BACH2: variants seen among roughly 807,000 people sequenced by gnomAD.
BACH2 encodes the protein transcription regulator protein BACH2.
Under a neutral mutation model 61.8 loss-of-function variants are expected in BACH2, and 5 were observed. That is an observed-to-expected ratio of 0.08 (90% CI 0.04 to 0.17). BACH2 has a LOEUF of 0.17. Ranked by LOEUF, BACH2 falls within the 10% of genes least tolerant of loss-of-function variation. The probability of loss-of-function intolerance (pLI) is 1.00; values close to 1 mark genes in which losing one functional copy is unlikely to be tolerated. For missense variants in BACH2, 824 were observed against 1,091.1 expected (o/e 0.76, Z 3.45); for synonymous variants, 446 against 440.1 (o/e 1.01, Z -0.17).
chr6:90,099,585 G>A (rs1385288626), intron 4 of BACH2, among the ~76,000 whole-genome samples: 3 of 152,088 alleles, frequency 2.0e-5, no homozygotes, highest in East Asian at 3.9e-4. Context: ...TAAGAGAGCT[G>A]ATATGTTCAC....
intron 5 of BACH2, among the ~76,000 whole-genome samples, chr6:90,082,161 A>T (rs1286488956): frequency 6.6e-6 from 1 of 152,050 alleles, no homozygotes; most frequent in Non-Finnish European, 1.5e-5. Context: ...GGCTAACTCA[A>T]CCTTTCCCAT....
At chr6:90,254,669 C>T (rs903869477) in intron 2 of BACH2, among the ~76,000 whole-genome samples, 1 of 152,040 alleles carries the variant, frequency 6.6e-6, no homozygotes, top group Non-Finnish European at 1.5e-5. Flanking sequence ...TCCTCTTGGA[C>T]TTTTATCCTA....
chr6:90,268,991 A>C (rs1337022583), intron 2 of BACH2, among the ~76,000 whole-genome samples: 1 of 152,222 alleles, frequency 6.6e-6, no homozygotes, highest in Non-Finnish European at 1.5e-5. Context: ...GAAGACTAAG[A>C]GACCTGGAGA....
intron 4 of BACH2, among the ~76,000 whole-genome samples, chr6:90,158,465 T>A (rs574597411): frequency 1.3e-5 from 2 of 150,458 alleles, no homozygotes; most frequent in African/African-American, 4.9e-5. Flanking sequence ...AGGAGCGGGG[T>A]TGAAAGATGA....
intron 4 of BACH2, among the ~76,000 whole-genome samples, chr6:90,203,486 C>T (rs939417066): frequency 2.3e-4 from 35 of 150,502 alleles, no homozygotes; most frequent in Admixed American, 8.6e-4. Context: ...CAAAAAGCTG[C>T]GAAGAATGTA....
At chr6:90,076,222 G>T (rs372766237) in intron 5 of BACH2, among the ~76,000 whole-genome samples, 20 of 152,194 alleles carry the variant, frequency 1.3e-4, no homozygotes, top group African/African-American at 4.8e-4. Flanking sequence ...CGTAAAGGAA[G>T]GGTGGAAAAG....
rs1473649080 is a variant in BACH2, at chr6:89,951,083, T to C, written c.1023A>G (p.Leu341=). 1 of 1,612,406 alleles carries C rather than the reference T, an allele frequency of 6.2e-7. No individual in the cohort carries two copies. Among genetic ancestry groups the C allele is most frequent in the African/African-American group, 1.3e-5 (1 of 74,850 alleles). Residue 341 remains leucine (L), a synonymous_variant, in exon 7 of 9, where the codon TTA becomes TTG. Transcript: ENST00000257749. The surrounding 1 kb of genome is among the most constrained non-coding windows in gnomAD (Gnocchi z 6.4). ...RSRSVASPSC[L]RSLFSITKSV... ...TTTTCGTTATGCTGAACAGAGACCT[T>C]AAGCAGGAGGGCGAGGCCACGCTCC...
intron 4 of BACH2, among the ~76,000 whole-genome samples, chr6:90,178,696 C>G (rs1218306489): frequency 1.3e-5 from 2 of 152,116 alleles, no homozygotes; most frequent in East Asian, 3.9e-4. Context: ...AAAAAAGTAC[C>G]CAGAAATGCC....
At chr6:90,072,386 A>G (rs905317495) in intron 5 of BACH2, among the ~76,000 whole-genome samples, 1 of 152,170 alleles carries the variant, frequency 6.6e-6, no homozygotes, top group Non-Finnish European at 1.5e-5. Context: ...TCTTTGCCCC[A>G]TTATGAGCTG....
In BACH2 at chr6:90,208,106, G is replaced by A. The variant is rs1269939237; in HGVS notation, c.-274-1425C>T. Among the ~76,000 whole-genome samples, 3 of 152,098 alleles carry A rather than the reference G, an allele frequency of 2.0e-5. No individual in the cohort carries two copies. In the East Asian group the frequency reaches 5.8e-4, roughly 29 times the overall value. ...AAGATCTAAAACCATAAAAACCCTA[G>A]AAGAAAACCTAGGCAATACCATTCA... is the stretch of plus-strand genomic sequence containing the variant. On this transcript the variant is annotated intron_variant, in intron 3 of 8. Coordinates refer to ENST00000257749, the MANE Select transcript of BACH2 (RefSeq NM_021813.4).
intron 8 of BACH2, among the ~76,000 whole-genome samples, chr6:89,934,234 C>T (rs1157625391): frequency 6.6e-6 from 1 of 152,146 alleles, no homozygotes; most frequent in Admixed American, 6.5e-5. Flanking sequence ...GAGTACTAGC[C>T]CAAGGTTCTG....
intron 3 of BACH2, among the ~76,000 whole-genome samples, chr6:90,246,130 G>A (rs761002081): frequency 3.3e-5 from 5 of 152,176 alleles, no homozygotes; most frequent in Non-Finnish European, 7.3e-5. Context: ...AGAGCCAGGA[G>A]CCACTAAGTC....
At chr6:90,007,188 C>T (rs1777454697) in intron 6 of BACH2, among the ~76,000 whole-genome samples, 2 of 152,122 alleles carry the variant, frequency 1.3e-5, no homozygotes, top group East Asian at 3.9e-4. Flanking sequence ...CATTCTCCTG[C>T]CTCAACCTCC....
chr6:90,177,219 A>G (rs904535181), intron 4 of BACH2, among the ~76,000 whole-genome samples: 1 of 152,074 alleles, frequency 6.6e-6, no homozygotes. Flanking sequence ...ATTACATTCA[A>G]TGCACACTAT....
intron 7 of BACH2, among the ~76,000 whole-genome samples, chr6:89,949,227 T>C (rs896645215): frequency 1.1e-4 from 16 of 152,146 alleles, no homozygotes; most frequent in South Asian, 2.1e-4. Flanking sequence ...GAGGACCATG[T>C]TTCATTTCTT....
At chr6:90,280,849 T>A (rs986183098) in intron 1 of BACH2, among the ~76,000 whole-genome samples, 2 of 152,146 alleles carry the variant, frequency 1.3e-5, no homozygotes. Context: ...GAGGGACTTG[T>A]ATATTACAGA....
chr6:90,283,542 A>AT lies in BACH2; in HGVS notation c.-445-11602dup, dbSNP rs1410831850. 2.6e-5 allele frequency among the ~76,000 whole-genome samples: 4 copies of AT among 151,476 alleles called. No homozygotes were observed. The South Asian group carries it at 6.3e-4, about 24-fold the overall frequency. ...AGGTGCCTGCCACCATGCCCGGCTA[A>AT]TTTTTTGTATTTTTACTAGAGACAG... On this transcript the variant is annotated intron_variant, in intron 1 of 8. Coordinates refer to ENST00000257749, the MANE Select transcript of BACH2 (RefSeq NM_021813.4).
At chr6:90,091,418 T>C (rs1782153390) in intron 4 of BACH2, among the ~76,000 whole-genome samples, 1 of 152,146 alleles carries the variant, frequency 6.6e-6, no homozygotes, top group Admixed American at 6.6e-5. Flanking sequence ...AAATACACAC[T>C]TGAAAAAAGA....
Position 89,932,640 on chromosome 6 carries a change from T to C in BACH2, c.2294A>G (p.Asn765Ser), listed in dbSNP as rs1345733130. 2.5e-6 allele frequency: 4 copies of C among 1,613,544 alleles called. No individual in the cohort carries two copies. The South Asian group carries it at 3.3e-5, about 13-fold the overall frequency. Residue 765 changes from asparagine (N) to serine (S), a missense_variant, in exon 9 of 9, where the codon AAC becomes AGC. Asn to Ser is a conservative substitution (Grantham distance 46, BLOSUM62 1). This residue lies in a region of BACH2 where 135 missense variants were observed against 142.7 expected (regional missense o/e 0.95). Coordinates refer to ENST00000257749, the MANE Select transcript of BACH2 (RefSeq NM_021813.4). ...GCCTGGCTCCAAGCAGCAGGGCACG[T>C]TTTCCCCCACTGCGCATTGGGAGGC... ...IAASQCAVGE[N>S]VPCCLEPGAA... is the part of the protein sequence containing the mutation.
Sources: allele counts gnomAD v4.1 joint callset (sites outside exome capture counted in the v4.1 genomes callset), GRCh38; gene constraint gnomAD v4.1.1; regional missense constraint gnomAD v4.1.1; non-coding constraint Gnocchi (gnomAD v3.1); transcripts MANE v1.5; gene names NCBI Gene and HGNC (gene_info 2026-07-23, HGNC 2026-07-21).